Variants in NCAM2 observed in about 807,000 individuals in gnomAD.
The protein encoded by NCAM2 is neural cell adhesion molecule 2, also known as N-CAM-2.
NCAM2 carries 30 observed loss-of-function variants against 98.1 expected under a neutral mutation model. The observed-to-expected ratio is 0.31, with a 90% CI of 0.23 to 0.41. The LOEUF (loss-of-function observed/expected upper bound fraction) is 0.41. Ranked by LOEUF, NCAM2 falls within the 10% of genes least tolerant of loss-of-function variation. The probability of loss-of-function intolerance (pLI) is 1.00; values close to 1 mark genes in which losing one functional copy is unlikely to be tolerated. For missense variants in NCAM2, 867 were observed against 1,005.8 expected, an observed-to-expected ratio of 0.86 and a Z score of 1.87; for synonymous variants, 368 against 342.4, an observed-to-expected ratio of 1.07 and a Z score of -0.83.
intron 8 of NCAM2, among the ~76,000 whole-genome samples, chr21:21,359,454 T>G (rs1158136680): frequency 1.3e-5 from 2 of 151,970 alleles, no homozygotes; most frequent in African/African-American, 4.8e-5. Flanking sequence ...TTAAAAATTG[T>G]TTTTGAAATA....
intron 1 of NCAM2, among the ~76,000 whole-genome samples, chr21:21,126,909 A>T (rs1601439527): frequency 1.3e-5 from 2 of 152,034 alleles, no homozygotes; most frequent in African/African-American, 4.8e-5. Flanking sequence ...ACTACACAGC[A>T]AAGTGACGCT....
intron 16 of NCAM2, among the ~76,000 whole-genome samples, chr21:21,521,137 C>CG (rs1392168221): frequency 6.6e-6 from 1 of 152,064 alleles, no homozygotes; most frequent in East Asian, 1.9e-4. Flanking sequence ...CAACACCACC[C>CG]GGCTCTATGT....
At chr21:21,519,786 G>A (rs1052578402) in intron 16 of NCAM2, among the ~76,000 whole-genome samples, 1 of 152,040 alleles carries the variant, frequency 6.6e-6, no homozygotes. Flanking sequence ...ATGAGGAATA[G>A]GGTTAACTGA....
chr21:21,218,748 A>G (rs985733114), intron 1 of NCAM2, among the ~76,000 whole-genome samples: 6 of 152,214 alleles, frequency 3.9e-5, no homozygotes, highest in African/African-American at 9.6e-5. Flanking sequence ...TGGCACTTTA[A>G]TTTTAACCTG....
intron 17 of NCAM2, among the ~76,000 whole-genome samples, chr21:21,535,762 C>T (rs767233973): frequency 1.1e-4 from 17 of 151,846 alleles, no homozygotes; most frequent in Admixed American, 3.9e-4. Context: ...GCTCTTGGAC[C>T]AGGCTATATT....
intron 1 of NCAM2, among the ~76,000 whole-genome samples, chr21:21,026,349 G>A (rs1231952399): frequency 6.6e-6 from 1 of 152,212 alleles, no homozygotes; most frequent in African/African-American, 2.4e-5. Flanking sequence ...TTATCTCCAT[G>A]AAAACTTACT....
chr21:21,122,213 T>G (rs751699562), intron 1 of NCAM2, among the ~76,000 whole-genome samples: 1 of 152,200 alleles, frequency 6.6e-6, no homozygotes, highest in Non-Finnish European at 1.5e-5. Flanking sequence ...ATTTGATAAC[T>G]TAATATTTTA....
chr21:21,115,166 G>T (rs3920995), intron 1 of NCAM2, among the ~76,000 whole-genome samples: 35,521 of 152,028 alleles, frequency 0.23, 4,185 homozygotes, highest in Middle Eastern at 0.27. Context: ...TGAAAAAAAT[G>T]AAGTCCTGGC....
At chr21:21,170,205 C>A (rs1022571081) in intron 1 of NCAM2, among the ~76,000 whole-genome samples, 4 of 152,106 alleles carry the variant, frequency 2.6e-5, no homozygotes, top group Admixed American at 6.6e-5. Context: ...GACTTTCTTA[C>A]AAAACTAAGC....
At chr21:21,291,243 T>A (rs2073281762) in intron 4 of NCAM2, among the ~76,000 whole-genome samples, 2 of 151,872 alleles carry the variant, frequency 1.3e-5, no homozygotes, top group South Asian at 4.1e-4. Context: ...ATTTTAGATA[T>A]TGCCTGTACA....
intron 1 of NCAM2, among the ~76,000 whole-genome samples, chr21:21,183,466 A>T (rs1308068902): frequency 2.0e-5 from 3 of 152,118 alleles, no homozygotes; most frequent in Non-Finnish European, 4.4e-5. Context: ...TGCCATGGGG[A>T]CATATTAGTG....
At chr21:21,445,184 T>C (rs1004017706) in intron 12 of NCAM2, among the ~76,000 whole-genome samples, 1 of 152,192 alleles carries the variant, frequency 6.6e-6, no homozygotes, top group African/African-American at 2.4e-5. Flanking sequence ...TTGATTGCAC[T>C]GTGGCCTGAG....
chr21:21,366,107 A>C (rs1199961575), intron 8 of NCAM2, among the ~76,000 whole-genome samples: 2 of 152,074 alleles, frequency 1.3e-5, no homozygotes, highest in East Asian at 3.9e-4. Context: ...ATAGAGAAGA[A>C]TGTTCCCAAA....
intron 12 of NCAM2, among the ~76,000 whole-genome samples, chr21:21,437,669 AGAAAACT>A (rs1348684171): frequency 6.6e-6 from 1 of 152,142 alleles, no homozygotes; most frequent in Non-Finnish European, 1.5e-5. Context: ...TCTGAGTACC[AGAAAACT>A]GCCACAATTT....
intron 1 of NCAM2, among the ~76,000 whole-genome samples, chr21:21,093,670 A>G (rs969666506): frequency 6.6e-6 from 1 of 152,054 alleles, no homozygotes; most frequent in African/African-American, 2.4e-5. Context: ...CTGCTTAAAA[A>G]AATAGTGACT....
chr21:21,197,635 G>A (rs2069052108), intron 1 of NCAM2, among the ~76,000 whole-genome samples: 1 of 152,300 alleles, frequency 6.6e-6, no homozygotes, highest in South Asian at 2.1e-4. Context: ...TGAACACGTT[G>A]CATTTTCTGT....
chr21:21,219,444 A>G (rs544695121), intron 1 of NCAM2, among the ~76,000 whole-genome samples: 91 of 152,354 alleles, frequency 6.0e-4, no homozygotes, highest in Admixed American at 1.0e-3. Flanking sequence ...TGGTAATCTC[A>G]TAAGACTATA....
intron 1 of NCAM2, among the ~76,000 whole-genome samples, chr21:21,242,485 G>A (rs758117920): frequency 1.1e-4 from 16 of 151,868 alleles, no homozygotes; most frequent in Non-Finnish European, 7.4e-5. Context: ...ACATCTCCTC[G>A]TTTCCCAATC....
chr21:21,296,827 G>A (rs1230628648), intron 5 of NCAM2, among the ~76,000 whole-genome samples: 1 of 151,810 alleles, frequency 6.6e-6, no homozygotes, highest in African/African-American at 2.4e-5. Context: ...GACTTCTAGT[G>A]TGGGTTTTAG....
Sources: allele counts gnomAD v4.1 joint callset (sites outside exome capture counted in the v4.1 genomes callset), GRCh38; gene constraint gnomAD v4.1.1; transcripts MANE v1.5; gene names NCBI Gene and HGNC (gene_info 2026-07-23, HGNC 2026-07-21).